The following KAZN variants were observed in gnomAD, a reference collection of about 807,000 sequenced individuals.
KAZN encodes the protein kazrin, periplakin interacting protein.
KAZN carries 40 observed loss-of-function variants against 87.4 expected under a neutral mutation model. The observed-to-expected ratio is 0.46, with a 90% CI of 0.36 to 0.60. KAZN has a LOEUF of 0.60. KAZN is among the 20% of genes least tolerant of loss of function. The probability of loss-of-function intolerance (pLI) is 0.00; values close to 1 mark genes in which losing one functional copy is unlikely to be tolerated. For synonymous variants in KAZN, 466 were observed against 458.3 expected, an observed-to-expected ratio of 1.02 and a Z score of -0.22; for missense variants, 898 against 1,073.9, an observed-to-expected ratio of 0.84 and a Z score of 2.29.
chr1:14,502,137 CTGTT>C (rs1670290082), intron 2 of KAZN, among the ~76,000 whole-genome samples: 1 of 151,588 alleles, frequency 6.6e-6, no homozygotes, highest in South Asian at 2.1e-4. Context: ...CTTAATAAAG[CTGTT>C]TTTTTTTTAA....
intron 2 of KAZN, among the ~76,000 whole-genome samples, chr1:14,507,982 A>T (rs78322806): frequency 0.035 from 5,293 of 151,664 alleles, 128 homozygotes; most frequent in Admixed American, 0.056. Flanking sequence ...AATAAATAAA[A>T]AAAAAAAAAA....
At position 15,116,580 on chromosome 1, in the gene KAZN, A is replaced by G. The variant is rs1383822437; in HGVS notation, c.*1945A>G. On this transcript the variant is annotated 3_prime_UTR_variant, in exon 15 of 15. Coordinates refer to ENST00000376030, the MANE Select transcript of KAZN (RefSeq NM_201628.3). Reference sequence around the variant, plus strand: ...CCATAGGGTCCTGAAGCTGCAGTCCACAGCTCAGAAAGGAGAGGTGAGACC... The same window carrying G: ...CCATAGGGTCCTGAAGCTGCAGTCCGCAGCTCAGAAAGGAGAGGTGAGACC... 1 of 152,198 alleles carries G rather than the reference A, an allele frequency of 6.6e-6. No individual in the cohort carries two copies. The highest frequency in any genetic ancestry group is 2.4e-5 in the African/African-American group (1 of 41,444). The allele number at this position is 152,198 out of a possible 1,614,324, so 9.4% of individuals were successfully genotyped here.
chr1:15,029,738 G>A (rs1273136968), intron 2 of KAZN, among the ~76,000 whole-genome samples: 1 of 152,192 alleles, frequency 6.6e-6, no homozygotes, highest in Non-Finnish European at 1.5e-5. Context: ...TAATGTAGGA[G>A]GCAATTCAGA....
rs1557735835 is a variant in KAZN at position 13,942,572 on chromosome 1, A to ATG, written c.91+48818_91+48819dup. Among the ~76,000 whole-genome samples, 5 of 92,706 alleles carry ATG rather than the reference A, an allele frequency of 5.4e-5. No homozygotes were observed. The East Asian group carries it at 9.8e-4, about 18-fold the overall frequency. 60.8% of individuals were successfully genotyped at this position (92,706 alleles called of 152,430 possible). A position where few individuals can be genotyped will look rare whatever the true frequency, so the allele number is the denominator to read the frequency against. ...AAAAAAAAAAAAAAAAAAAAAAAAA[A>ATG]TGTATATATATAATTCACCAACACC... On this transcript the variant is annotated intron_variant, in intron 1 of 16. Transcript: ENST00000636203.
In KAZN at chr1:14,520,989, A is replaced by T. The variant is rs188784566; in HGVS notation, c.250-77994A>T. ...ATGAGAGGCCAGAGCAGGGAGAGGC[A>T]TGCAGTGGCATGATCCAGAGGGAAA... On this transcript the variant is annotated intron_variant, in intron 2 of 16. Coordinates refer to the KAZN transcript ENST00000636203. 1.6e-4 allele frequency among the ~76,000 whole-genome samples: 24 copies of T among 152,330 alleles called. 1 individual carries two copies. The highest frequency in any genetic ancestry group is 7.8e-4 in the Admixed American group (12 of 15,306).
chr1:13,981,492 C>G (rs1024319131), intron 1 of KAZN, among the ~76,000 whole-genome samples: 3 of 152,046 alleles, frequency 2.0e-5, no homozygotes, highest in Non-Finnish European at 2.9e-5. Context: ...AGACCTGCCT[C>G]TCAATGGGAT....
At chr1:14,653,377 T>C (rs1009967286) in intron 1 of KAZN, among the ~76,000 whole-genome samples, 6 of 152,162 alleles carry the variant, frequency 3.9e-5, no homozygotes, top group Non-Finnish European at 8.8e-5. Flanking sequence ...TGGCAGTTGA[T>C]CCAGCTCCCT....
At chr1:14,540,397 G>A (rs1672739283) in intron 2 of KAZN, among the ~76,000 whole-genome samples, 1 of 152,166 alleles carries the variant, frequency 6.6e-6, no homozygotes. Flanking sequence ...AGGCCCCGCG[G>A]GGTTAAGCAG....
intron 2 of KAZN, among the ~76,000 whole-genome samples, chr1:14,303,501 C>T (rs1294356216): frequency 1.3e-5 from 2 of 152,206 alleles, no homozygotes; most frequent in Non-Finnish European, 2.9e-5. Context: ...CCTCAGCCTC[C>T]CAAAGTGCTG....
chr1:15,056,346 A>C lies in KAZN; in HGVS notation c.916+66A>C. The C allele has an allele frequency of 5.4e-6, 8 of 1,476,212 alleles. No homozygotes were observed. The highest frequency in any genetic ancestry group is 7.3e-6 in the Non-Finnish European group (8 of 1,092,704). The allele number at this position is 1,476,212 out of a possible 1,614,324, so 91.4% of individuals were successfully genotyped here. On this transcript the variant is annotated intron_variant, in intron 5 of 14. Coordinates refer to ENST00000376030, the MANE Select transcript of KAZN (RefSeq NM_201628.3). The surrounding 1 kb of genome is among the most constrained non-coding windows in gnomAD (Gnocchi z 5.4). ...GGCTTCACAGGAGGCCATCTGACCC[A>C]GTGGGAGAGGCAGCTGCTTTGTTCG...
chr1:14,312,932 T>C (rs1251871092), intron 2 of KAZN, among the ~76,000 whole-genome samples: 1 of 152,132 alleles, frequency 6.6e-6, no homozygotes, highest in Non-Finnish European at 1.5e-5. Context: ...CTTGAGGGAC[T>C]CTGGAACAGA....
intron 1 of KAZN, among the ~76,000 whole-genome samples, chr1:14,043,172 T>C (rs1027102011): frequency 7.9e-5 from 12 of 152,350 alleles, no homozygotes; most frequent in African/African-American, 2.6e-4. Flanking sequence ...ACTATATCTG[T>C]CCTTTTGTAT....
At chr1:14,255,574 A>G (rs945361396) in intron 2 of KAZN, among the ~76,000 whole-genome samples, 1 of 152,204 alleles carries the variant, frequency 6.6e-6, no homozygotes, top group African/African-American at 2.4e-5. Flanking sequence ...ACTTGCACCA[A>G]TCAGAATGTT....
chr1:13,933,266 G>T (rs535472811), intron 1 of KAZN, among the ~76,000 whole-genome samples: 1 of 152,160 alleles, frequency 6.6e-6, no homozygotes, highest in African/African-American at 2.4e-5. Flanking sequence ...GCCGAGGCGG[G>T]TGTATCACAT....
At chr1:14,241,190 C>T (rs1463955611) in intron 2 of KAZN, among the ~76,000 whole-genome samples, 1 of 152,188 alleles carries the variant, frequency 6.6e-6, no homozygotes, top group African/African-American at 2.4e-5. Context: ...TCTTTTGTCT[C>T]CCTCATTGGG....
At position 15,060,215 on chromosome 1, in the gene KAZN, C is replaced by T; in HGVS notation, c.960C>T (p.Ile320=). Residue 320 remains isoleucine (I), a synonymous_variant, in exon 6 of 15, where the codon ATC becomes ATT. Coordinates refer to ENST00000376030, the MANE Select transcript of KAZN (RefSeq NM_201628.3). ...SPCHSRQPSV[I]SDASAAEGDR... Reference sequence around the variant, plus strand: ...GCCACTCCCGGCAGCCCTCTGTCATCTCCGACGCATCTGCCGCCGAAGGCG... The same window carrying T: ...GCCACTCCCGGCAGCCCTCTGTCATTTCCGACGCATCTGCCGCCGAAGGCG... 1.2e-6 allele frequency: 2 copies of T among 1,614,272 alleles called. No homozygotes were observed. Among genetic ancestry groups the T allele is most frequent in the Non-Finnish European group, 1.7e-6 (2 of 1,180,044 alleles).
intron 2 of KAZN, among the ~76,000 whole-genome samples, chr1:14,361,475 C>T (rs1041455899): frequency 3.2e-4 from 48 of 152,276 alleles, no homozygotes; most frequent in African/African-American, 8.9e-4. Flanking sequence ...GTCTCACTGG[C>T]GTTCCAGGTG....
chr1:14,908,019 C>T (rs116067666), intron 1 of KAZN, among the ~76,000 whole-genome samples: 218 of 152,300 alleles, frequency 1.4e-3, no homozygotes, highest in African/African-American at 4.6e-3. Context: ...AGCATCATGC[C>T]GGGCACTTCA....
At position 14,257,911 on chromosome 1, in the gene KAZN, T is replaced by C. The variant is rs1408056211; in HGVS notation, c.249+77319T>C. ...ATACATATGTAACTAACCTGCACAA[T>C]GTGCACATGTACCCTAAAACTTAGA... On this transcript the variant is annotated intron_variant, in intron 2 of 16. Coordinates refer to the KAZN transcript ENST00000636203. Among the ~76,000 whole-genome samples, 12 of 114,768 alleles carry C rather than the reference T, an allele frequency of 1.0e-4. No homozygotes were observed. In the East Asian group the frequency reaches 2.6e-3, roughly 24 times the overall value. 75.3% of individuals were successfully genotyped at this position (114,768 alleles called of 152,430 possible).
Sources: allele counts gnomAD v4.1 joint callset (sites outside exome capture counted in the v4.1 genomes callset), GRCh38; gene constraint gnomAD v4.1.1; non-coding constraint Gnocchi (gnomAD v3.1); transcripts MANE v1.5; gene names NCBI Gene and HGNC (gene_info 2026-07-23, HGNC 2026-07-21).